Variants in SUDS3 observed in about 807,000 individuals in gnomAD.
SUDS3 encodes the protein SIN3A corepressor complex component SDS3.
A neutral mutation model predicts 53.5 loss-of-function variants in SUDS3; 23 were observed. The observed-to-expected ratio is 0.43, with a 90% confidence interval of 0.31 to 0.61. The LOEUF (loss-of-function observed/expected upper bound fraction) is 0.61, where lower values mean the gene tolerates loss of function less well. Among genes scored for constraint, SUDS3 ranks in the 20% least tolerant of loss-of-function variants. SUDS3 has a pLI of 0.10. For synonymous variants in SUDS3, 150 were observed against 148.5 expected (o/e 1.01, Z -0.08); for missense variants, 291 against 405.9 (o/e 0.72, Z 2.43).
chr12:118,379,960 C>CT (rs2046040585), intron 1 of SUDS3, among the ~76,000 whole-genome samples: 1 of 152,142 alleles, frequency 6.6e-6, no homozygotes. Context: ...TTGCATTGGC[C>CT]TTTTGTGTCC....
intron 9 of SUDS3, chr12:118,402,243 CATTTG>C: frequency 1.8e-6 from 1 of 548,606 alleles, no homozygotes; most frequent in Non-Finnish European, 3.2e-6. Context: ...ATAAAAGAGA[CATTTG>C]ATTGATTGAT....
At chr12:118,402,335 TTAAG>T (rs2046270599) in intron 9 of SUDS3, 1 of 365,162 alleles carries the variant, frequency 2.7e-6, no homozygotes, top group South Asian at 4.0e-5. Context: ...AGAAGGATTT[TTAAG>T]TATTACTGGC....
In SUDS3 at chr12:118,386,118, A is replaced by T; in HGVS notation, c.273A>T (p.Thr91=). The change falls in exon 4 of 12, where the codon ACA becomes ACT. Residue 91 remains threonine, a synonymous_variant. Transcript: ENST00000543473. ...TTTTCAAATGTTCAAAATCAGGTAC[A>T]TTACAGGAATATCAGAAGAGAATGA... is the stretch of plus-strand genomic sequence containing the variant. ...KRQLQQLQEG[T]LQEYQKRMKK... is the part of the protein sequence containing the mutation. 6.3e-7 allele frequency: 1 copy of T among 1,593,584 alleles called. No homozygotes were observed. Among genetic ancestry groups the T allele is most frequent in the Non-Finnish European group, 8.6e-7 (1 of 1,168,930 alleles).
At chr12:118,382,834 A>ATT (rs56199413) in intron 2 of SUDS3, among the ~76,000 whole-genome samples, 2,056 of 147,144 alleles carry the variant, frequency 0.014, 15 homozygotes, top group Non-Finnish European at 0.02. Context: ...CGTCTGGCTA[A>ATT]TTTTTTTTTT....
At chr12:118,382,735 T>C (rs1407874163) in intron 2 of SUDS3, among the ~76,000 whole-genome samples, 1 of 150,806 alleles carries the variant, frequency 6.6e-6, no homozygotes. Context: ...TGGCATGATC[T>C]CGGCTCACTG....
intron 3 of SUDS3, among the ~76,000 whole-genome samples, chr12:118,385,746 G>C (rs2046109482): frequency 6.6e-6 from 1 of 152,224 alleles, no homozygotes; most frequent in African/African-American, 2.4e-5. Context: ...CACCATTGCA[G>C]AAGGTTCTAC....
chr12:118,392,160 G>A (rs1188398927), intron 6 of SUDS3, among the ~76,000 whole-genome samples: 1 of 152,210 alleles, frequency 6.6e-6, no homozygotes, highest in East Asian at 1.9e-4. Context: ...ATGCCTTTCT[G>A]TACATCCCCA....
rs780908992 is a variant in SUDS3, at chr12:118,411,170, C to G, written c.888+13C>G. On this transcript the variant is annotated intron_variant, in intron 11 of 11. Transcript: ENST00000543473. ...AGGAGCCAATGAGGTGGGAACCACA[C>G]TCCCTCACCTTTAGGGAAGCAAAAT... is the stretch of plus-strand genomic sequence containing the variant. 2 of 1,579,478 alleles carry G rather than the reference C, an allele frequency of 1.3e-6. No homozygotes were observed. The highest frequency in any genetic ancestry group is 1.7e-6 in the Non-Finnish European group (2 of 1,162,176).
intron 6 of SUDS3, among the ~76,000 whole-genome samples, chr12:118,392,893 A>T (rs2046180612): frequency 6.6e-6 from 1 of 152,228 alleles, no homozygotes; most frequent in African/African-American, 2.4e-5. Context: ...AGGCAGTTTT[A>T]CAGCCAGAAT....
In SUDS3 at chr12:118,414,197, C is replaced by T. The variant is rs998530532; in HGVS notation, c.889-138C>T. 3 of 648,618 alleles carry T rather than the reference C, an allele frequency of 4.6e-6. No homozygotes were observed. In the African/African-American group the frequency reaches 5.6e-5, roughly 12 times the overall value. The allele number at this position is 648,618 out of a possible 1,614,324, so 40.2% of individuals were successfully genotyped here. ...GTCAGGGGTGCTTATGAAGCCCTCA[C>T]AAGTTGAGACAGTTTATTCCAGCAA... On this transcript the variant is annotated intron_variant, in intron 11 of 11. Coordinates refer to ENST00000543473, the MANE Select transcript of SUDS3 (RefSeq NM_022491.3).
intron 9 of SUDS3, 70 bp downstream of exon 9, chr12:118,402,074 G>C (rs560477569): frequency 3.2e-6 from 5 of 1,563,400 alleles, no homozygotes; most frequent in Non-Finnish European, 4.4e-6. Flanking sequence ...GTGAATACCT[G>C]TCAGGAAATG....
intron 1 of SUDS3, among the ~76,000 whole-genome samples, chr12:118,377,233 T>A (rs185261144): frequency 6.6e-6 from 1 of 151,978 alleles, no homozygotes; most frequent in African/African-American, 2.4e-5. Flanking sequence ...ACCCCCGAAA[T>A]GCATAAGTCA....
intron 2 of SUDS3, among the ~76,000 whole-genome samples, 151 bp downstream of exon 2, chr12:118,380,382 A>G (rs1490727409): frequency 6.6e-6 from 1 of 152,224 alleles, no homozygotes; most frequent in African/African-American, 2.4e-5. Context: ...TCATTGCACT[A>G]TTTCAGATTT....
intron 10 of SUDS3, among the ~76,000 whole-genome samples, chr12:118,409,131 C>A (rs1204331767): frequency 6.6e-6 from 1 of 151,292 alleles, no homozygotes; most frequent in East Asian, 1.9e-4. Context: ...TCTCGCTGTT[C>A]TAATTGAATT....
In SUDS3 at chr12:118,395,682, C is replaced by A. The variant is rs542741212; in HGVS notation, c.517+4400C>A. 3.2e-3 allele frequency among the ~76,000 whole-genome samples: 488 copies of A among 152,066 alleles called. 5 individuals carry two copies. Among genetic ancestry groups the A allele is most frequent in the African/African-American group, 0.012 (478 of 41,490 alleles). ...GGCCTCCAAAGACCTAACATTAATT[C>A]TTGTGGATTGATTGATTGATTGATT... On this transcript the variant is annotated intron_variant, in intron 6 of 11. Coordinates refer to ENST00000543473, the MANE Select transcript of SUDS3 (RefSeq NM_022491.3).
Position 118,383,942 on chromosome 12 carries a change from G to T in SUDS3, c.213-70G>T, listed in dbSNP as rs534080351. On this transcript the variant is annotated intron_variant, in intron 2 of 11. Coordinates refer to ENST00000543473, the MANE Select transcript of SUDS3 (RefSeq NM_022491.3). The stretch of plus-strand genomic sequence containing the variant: ...TCCCATAACAGCCCAGCTAATTTCT[G>T]TGAGTAGGTTATTTTGGAATTGAGT... 2.5e-4 allele frequency: 353 copies of T among 1,414,020 alleles called. 3 individuals are homozygous for T. The African/African-American group carries it at 4.1e-3, about 16-fold the overall frequency. The allele number at this position is 1,414,020 out of a possible 1,614,324, so 87.6% of individuals were successfully genotyped here. A position where few individuals can be genotyped will look rare whatever the true frequency, so the allele number is the denominator to read the frequency against.
At chr12:118,407,105 G>T (rs1429613681) in intron 10 of SUDS3, among the ~76,000 whole-genome samples, 3 of 151,956 alleles carry the variant, frequency 2.0e-5, no homozygotes, top group Admixed American at 6.6e-5. Context: ...TTGCTATGTT[G>T]CCCAGGCTGT....
intron 3 of SUDS3, among the ~76,000 whole-genome samples, chr12:118,385,419 GT>G (rs1311522605): frequency 6.6e-6 from 1 of 152,160 alleles, no homozygotes; most frequent in Non-Finnish European, 1.5e-5. Context: ...TGATACTGCT[GT>G]TTCTACTATG....
intron 10 of SUDS3, among the ~76,000 whole-genome samples, chr12:118,407,555 A>G (rs959978591): frequency 2.6e-5 from 4 of 152,148 alleles, no homozygotes; most frequent in Non-Finnish European, 5.9e-5. Context: ...CTTTTAAGTC[A>G]GTTGAATTTC....
Sources: gnomAD v4.1 joint callset for allele counts (sites outside exome capture counted in the v4.1 genomes callset) on GRCh38, gnomAD v4.1.1 for gene constraint, MANE v1.5 for transcripts, NCBI Gene and HGNC (gene_info 2026-07-23, HGNC 2026-07-21) for gene names.